The following ATL3 variants were observed in gnomAD, a reference collection of about 807,000 sequenced individuals.
ATL3 encodes the protein atlastin-3.
ATL3 carries 49 observed loss-of-function variants against 69.5 expected under a neutral mutation model. The observed-to-expected ratio is 0.71, with a 90% CI of 0.56 to 0.89. The LOEUF (loss-of-function observed/expected upper bound fraction) is 0.89. Ranked by LOEUF, ATL3 falls within the 40% of genes least tolerant of loss-of-function variation. ATL3 has a pLI of 0.00. For synonymous variants in ATL3, 214 were observed against 224.1 expected, an observed-to-expected ratio of 0.95 and a Z score of 0.40; for missense variants, 606 against 645.7, an observed-to-expected ratio of 0.94 and a Z score of 0.67.
chr11:63,631,551 G>A, intron 11 of ATL3, 80 bp from the exon 12 acceptor site: 2 of 1,228,634 alleles, frequency 1.6e-6, no homozygotes, highest in Non-Finnish European at 2.2e-6. Context: ...GATAATGAAA[G>A]GATTAGAATG....
intron 3 of ATL3, among the ~76,000 whole-genome samples, chr11:63,653,386 A>G (rs919474056): frequency 6.6e-6 from 1 of 151,428 alleles, no homozygotes; most frequent in African/African-American, 2.4e-5. Context: ...AATCACTTGA[A>G]CCCTGGAGGC....
intron 6 of ATL3, among the ~76,000 whole-genome samples, chr11:63,645,267 C>T (rs750948214): frequency 1.4e-4 from 21 of 150,894 alleles, no homozygotes; most frequent in Non-Finnish European, 2.2e-4. Flanking sequence ...ATTAGCCGGG[C>T]GCCTGAAATC....
At chr11:63,669,701 G>A (rs1940713066) in intron 1 of ATL3, among the ~76,000 whole-genome samples, 1 of 151,952 alleles carries the variant, frequency 6.6e-6, no homozygotes, top group Admixed American at 6.6e-5. Flanking sequence ...CCAGTACTTG[G>A]GAGGCCGAGG....
chr11:63,667,575 G>A (rs532389768), intron 1 of ATL3, among the ~76,000 whole-genome samples: 18 of 152,042 alleles, frequency 1.2e-4, no homozygotes, highest in Non-Finnish European at 2.2e-4. Flanking sequence ...CAGCCTGACC[G>A]ATATAGTGGA....
At chr11:63,671,519 G>T, upstream of ATL3, 1 of 1,438,542 alleles carries the variant, frequency 7.0e-7, no homozygotes, top group Non-Finnish European at 9.1e-7. Context: ...GTGGCCCAAC[G>T]GACAGCCCGA....
At chr11:63,651,199 G>A (rs1940066073) in intron 5 of ATL3, among the ~76,000 whole-genome samples, 1 of 152,152 alleles carries the variant, frequency 6.6e-6, no homozygotes, top group Non-Finnish European at 1.5e-5. Flanking sequence ...GCTCATGCCT[G>A]TAATCCCAGC....
intron 8 of ATL3, among the ~76,000 whole-genome samples, chr11:63,637,278 A>G (rs1939551747): frequency 2.7e-5 from 2 of 74,216 alleles, no homozygotes; most frequent in South Asian, 4.5e-4. Flanking sequence ...TCCATCTCAG[A>G]AAAAAAAAAA....
chr11:63,670,846 C>A (rs1940746433), intron 1 of ATL3, among the ~76,000 whole-genome samples: 1 of 152,232 alleles, frequency 6.6e-6, no homozygotes, highest in Non-Finnish European at 1.5e-5. Flanking sequence ...ATCCAGGCCC[C>A]GATTCTCCGA....
intron 8 of ATL3, among the ~76,000 whole-genome samples, chr11:63,643,065 T>C (rs1939750216): frequency 1.3e-5 from 2 of 152,240 alleles, no homozygotes; most frequent in South Asian, 4.1e-4. Context: ...CTGACTAATG[T>C]TTAGTCTTCC....
intron 8 of ATL3, among the ~76,000 whole-genome samples, chr11:63,636,834 C>A (rs780066013): frequency 2.0e-5 from 3 of 152,028 alleles, no homozygotes; most frequent in Non-Finnish European, 4.4e-5. Flanking sequence ...GATCTCTGTC[C>A]CAATGTACCT....
In ATL3 at chr11:63,652,599, A is replaced by G. The variant is rs747337416; in HGVS notation, c.406-24T>C. The G allele has an allele frequency of 1.4e-5, 21 of 1,537,502 alleles. No individual in the cohort carries two copies. The South Asian group carries it at 2.2e-4, about 16-fold the overall frequency. ...ACCTAAAAAAAAGGAAAATACAAAC[A>G]AAAGAGATTAAACTAAGAAGGAGGA... On this transcript the variant is annotated intron_variant, in intron 3 of 12. Transcript: ENST00000398868.
At chr11:63,658,103 AC>A (rs1280006732) in intron 3 of ATL3, among the ~76,000 whole-genome samples, 4 of 152,088 alleles carry the variant, frequency 2.6e-5, no homozygotes, top group Non-Finnish European at 5.9e-5. Context: ...TGATCTGCCC[AC>A]CCTGGCCTCC....
rs2134528263 is a variant in ATL3, at chr11:63,660,740, A to G, written c.47-1488T>C. On this transcript the variant is annotated intron_variant, in intron 1 of 12. Coordinates refer to ENST00000398868, the MANE Select transcript of ATL3 (RefSeq NM_015459.5). ...GACAATATTGCAAGACTCTATCTCA[A>G]AAACAGAAAGTTCATTATCAGCTTT... 3.3e-5 allele frequency among the ~76,000 whole-genome samples: 5 copies of G among 152,302 alleles called. No homozygotes were observed. The South Asian group carries it at 1.0e-3, about 32-fold the overall frequency.
At chr11:63,667,782 T>G (rs866244571) in intron 1 of ATL3, among the ~76,000 whole-genome samples, 2 of 141,326 alleles carry the variant, frequency 1.4e-5, no homozygotes, top group African/African-American at 5.2e-5. Context: ...AAAAAAAAAA[T>G]GACAGTGTAG....
At chr11:63,632,430 T>C in intron 11 of ATL3, 1 of 839,078 alleles carries the variant, frequency 1.2e-6, no homozygotes. Context: ...ACATTGTGAT[T>C]GCAAAAAGCC....
chr11:63,661,952 C>T (rs748411875), intron 1 of ATL3, among the ~76,000 whole-genome samples: 2 of 150,698 alleles, frequency 1.3e-5, no homozygotes, highest in African/African-American at 2.4e-5. Flanking sequence ...GTGGCTCACA[C>T]CTGTAATCCC....
intron 1 of ATL3, among the ~76,000 whole-genome samples, chr11:63,668,790 CTTTTTTT>C (rs386373974): frequency 2.5e-5 from 2 of 81,492 alleles, no homozygotes; most frequent in Admixed American, 1.7e-4. Flanking sequence ...AGCTGTGTTC[CTTTTTTT>C]TTTTTTTTTT....
intron 1 of ATL3, among the ~76,000 whole-genome samples, chr11:63,665,720 C>T (rs1940554771): frequency 6.6e-6 from 1 of 152,026 alleles, no homozygotes; most frequent in Admixed American, 6.6e-5. Context: ...GAAACCCCAT[C>T]TCTACTAAAA....
intron 8 of ATL3, among the ~76,000 whole-genome samples, chr11:63,641,303 T>C (rs759020899): frequency 6.6e-6 from 1 of 152,182 alleles, no homozygotes; most frequent in Non-Finnish European, 1.5e-5. Context: ...TATTTAGTGA[T>C]TAAACCATTC....
Sources: allele counts gnomAD v4.1 joint callset (sites outside exome capture counted in the v4.1 genomes callset), GRCh38; gene constraint gnomAD v4.1.1; transcripts MANE v1.5; gene names NCBI Gene and HGNC (gene_info 2026-07-23, HGNC 2026-07-21).